Variants in EDIL3 observed in about 807,000 individuals in gnomAD.
EDIL3 encodes EGF like and discoidin domains 3, also known as EGF-like repeat and discoidin I-like domain-containing protein 3.
A neutral mutation model predicts 67.4 loss-of-function variants in EDIL3; 37 were observed. The ratio of observed to expected loss-of-function variants is 0.55; its 90% confidence interval spans 0.42 to 0.72. The LOEUF is 0.72. EDIL3 is among the 30% of genes least tolerant of loss of function. EDIL3 has a pLI of 0.00. For missense variants in EDIL3, 527 were observed against 586.3 expected, an observed-to-expected ratio of 0.90 and a Z score of 1.04; for synonymous variants, 195 against 196.3, an observed-to-expected ratio of 0.99 and a Z score of 0.05.
chr5:84,135,045 C>T (rs1748063145), intron 5 of EDIL3, among the ~76,000 whole-genome samples: 1 of 152,176 alleles, frequency 6.6e-6, no homozygotes, highest in Admixed American at 6.5e-5. Context: ...TCTTTCATAG[C>T]CTTACTGTCT....
intron 1 of EDIL3, among the ~76,000 whole-genome samples, chr5:84,312,979 C>A (rs1746437307): frequency 6.6e-6 from 1 of 152,042 alleles, no homozygotes; most frequent in Non-Finnish European, 1.5e-5. Flanking sequence ...GTAATTTTAA[C>A]AAATCTCAGA....
At chr5:84,302,070 T>C (rs1322371582) in intron 1 of EDIL3, among the ~76,000 whole-genome samples, 2 of 152,146 alleles carry the variant, frequency 1.3e-5, no homozygotes, top group Non-Finnish European at 2.9e-5. Flanking sequence ...TACACGTATA[T>C]AGAAAGTATA....
At chr5:84,086,132 G>A (rs770971236) in intron 6 of EDIL3, among the ~76,000 whole-genome samples, 1 of 152,136 alleles carries the variant, frequency 6.6e-6, no homozygotes, top group Non-Finnish European at 1.5e-5. Context: ...AGACCACTTG[G>A]CTCTCTGGCT....
chr5:84,339,841 GAGACACTTTCTTA>G (rs897437198), intron 1 of EDIL3, among the ~76,000 whole-genome samples: 4 of 152,034 alleles, frequency 2.6e-5, no homozygotes, highest in African/African-American at 7.2e-5. Context: ...GGCTATCCTA[GAGACACTTTCTTA>G]AGTAGCCTTA....
intron 1 of EDIL3, among the ~76,000 whole-genome samples, chr5:84,324,159 T>A (rs1746703463): frequency 6.6e-6 from 1 of 151,914 alleles, no homozygotes; most frequent in Non-Finnish European, 1.5e-5. Flanking sequence ...ATAGACCATA[T>A]GCTAAGACAA....
At chr5:83,962,423 C>T (rs1744620399) in intron 10 of EDIL3, among the ~76,000 whole-genome samples, 1 of 151,354 alleles carries the variant, frequency 6.6e-6, no homozygotes, top group South Asian at 2.1e-4. Context: ...AACATCTGAT[C>T]CCAATTAGTC....
At chr5:84,213,001 A>G (rs1744159839) in intron 3 of EDIL3, among the ~76,000 whole-genome samples, 1 of 151,884 alleles carries the variant, frequency 6.6e-6, no homozygotes, top group Non-Finnish European at 1.5e-5. Context: ...GAAGACTAAA[A>G]AAAAAAAAAA....
rs558130275 is a variant in EDIL3 at position 84,316,082 on chromosome 5, G to T, written c.68-61870C>A. On this transcript the variant is annotated intron_variant, in intron 1 of 10. Transcript: ENST00000296591. ...TGCTGAGAGATGTTGTCACCACCAG[G>T]CCTGCCCTACAAGAGCTCCTGAAGG... Among the ~76,000 whole-genome samples the T allele has an allele frequency of 3.3e-5, 5 of 152,216 alleles. No individual in the cohort carries two copies. The East Asian group carries it at 9.6e-4, about 29-fold the overall frequency.
At chr5:84,068,654 T>G (rs1383663029) in intron 6 of EDIL3, among the ~76,000 whole-genome samples, 2 of 152,300 alleles carry the variant, frequency 1.3e-5, no homozygotes, top group East Asian at 3.9e-4. Flanking sequence ...TAGTAGATAT[T>G]TGTAATTAAA....
intron 1 of EDIL3, among the ~76,000 whole-genome samples, chr5:84,374,536 T>C (rs1308598549): frequency 1.3e-5 from 2 of 152,176 alleles, no homozygotes; most frequent in Admixed American, 6.6e-5. Context: ...GGAGGTAAAT[T>C]TCAACAGTTA....
At position 84,211,178 on chromosome 5, in the gene EDIL3, G is replaced by T. The variant is rs185441491; in HGVS notation, c.226+18677C>A. On this transcript the variant is annotated intron_variant, in intron 3 of 10. Coordinates refer to ENST00000296591, the MANE Select transcript of EDIL3 (RefSeq NM_005711.5). ...ATTCCCAGTGTTGAGGTGAGGCCTG[G>T]TGGAAGGTGTCTGGGATGTGGAAGC... 6.6e-5 allele frequency among the ~76,000 whole-genome samples: 10 copies of T among 152,328 alleles called. No homozygotes were observed. In the East Asian group the frequency reaches 1.7e-3, roughly 27 times the overall value.
At chr5:84,352,388 T>A (rs1429013420) in intron 1 of EDIL3, among the ~76,000 whole-genome samples, 3 of 152,040 alleles carry the variant, frequency 2.0e-5, no homozygotes, top group Admixed American at 2.0e-4. Flanking sequence ...TCAACCTGAG[T>A]GTCTGCCAGA....
At chr5:84,381,524 G>A (rs945895996) in intron 1 of EDIL3, among the ~76,000 whole-genome samples, 4 of 152,026 alleles carry the variant, frequency 2.6e-5, no homozygotes, top group Non-Finnish European at 4.4e-5. Flanking sequence ...ATCATAAAAG[G>A]TTAGTGTTGT....
Position 84,060,308 on chromosome 5 carries a change from A to ATTT in EDIL3, c.1128_1129insAAA (p.Gln376_Trp377insLys). On this transcript the variant is annotated inframe_insertion, in exon 9 of 11. Transcript: ENST00000296591. ...GTTTTGGAAAACTTTACCTGTAACC[A>ATTT]TTGTGACTGGTCATTGTGGCCAGAG... 1 of 1,613,576 alleles carries ATTT rather than the reference A, an allele frequency of 6.2e-7. No homozygotes were observed. The highest frequency in any genetic ancestry group is 8.5e-7 in the Non-Finnish European group (1 of 1,179,722).
At chr5:84,137,110 G>A in intron 5 of EDIL3, 131 bp downstream of exon 5, 1 of 628,732 alleles carries the variant, frequency 1.6e-6, no homozygotes. Flanking sequence ...ATTGATTTTG[G>A]CCCAGATTTC....
At chr5:84,036,686 C>A (rs1002324032) in intron 9 of EDIL3, among the ~76,000 whole-genome samples, 7 of 152,132 alleles carry the variant, frequency 4.6e-5, no homozygotes, top group Non-Finnish European at 1.0e-4. Context: ...GGGATTCTAG[C>A]ACAATACAAT....
At chr5:84,049,160 C>T (rs1344456835) in intron 9 of EDIL3, among the ~76,000 whole-genome samples, 2 of 152,124 alleles carry the variant, frequency 1.3e-5, no homozygotes, top group African/African-American at 4.8e-5. Context: ...TAGATATAGA[C>T]ATTTCAAAGT....
chr5:84,355,533 A>G (rs914615746), intron 1 of EDIL3, among the ~76,000 whole-genome samples: 15 of 152,068 alleles, frequency 9.9e-5, no homozygotes, highest in Admixed American at 5.9e-4. Flanking sequence ...CCTTTTACCA[A>G]TCAGGCCCCT....
intron 6 of EDIL3, among the ~76,000 whole-genome samples, chr5:84,098,208 A>C (rs1014631019): frequency 3.3e-5 from 5 of 152,128 alleles, no homozygotes; most frequent in Admixed American, 2.0e-4. Flanking sequence ...TATAAATGTA[A>C]AATGGCAATT....
Sources: allele counts gnomAD v4.1 joint callset (sites outside exome capture counted in the v4.1 genomes callset), GRCh38; gene constraint gnomAD v4.1.1; transcripts MANE v1.5; gene names NCBI Gene and HGNC (gene_info 2026-07-23, HGNC 2026-07-21).